The following CRACD variants were observed in gnomAD, a reference collection of about 807,000 sequenced individuals.
CRACD encodes capping protein-inhibiting regulator of actin dynamics.
A neutral mutation model predicts 106.8 loss-of-function variants in CRACD; 56 were observed. The ratio of observed to expected loss-of-function variants is 0.52; its 90% confidence interval spans 0.42 to 0.66. CRACD has a LOEUF of 0.66. Ranked by LOEUF, CRACD falls within the 30% of genes least tolerant of loss-of-function variation. The probability of loss-of-function intolerance (pLI) is 0.00; values close to 1 mark genes in which losing one functional copy is unlikely to be tolerated. For synonymous variants in CRACD, 754 were observed against 670.8 expected (o/e 1.12, Z -1.92); for missense variants, 1,730 against 1,623.2 (o/e 1.07, Z -1.13).
intron 5 of CRACD, chr4:56,309,185 G>T: frequency 2.8e-6 from 1 of 355,432 alleles, no homozygotes; most frequent in Non-Finnish European, 5.5e-6. Flanking sequence ...GCAAGGGGAG[G>T]GTAGAGAGAG....
At chr4:56,311,039 A>G in intron 6 of CRACD, 1 of 284,874 alleles carries the variant, frequency 3.5e-6, no homozygotes, top group East Asian at 7.7e-5. Flanking sequence ...CTGTTAATTG[A>G]TTGAAAAAGG....
rs374085564 is a variant in CRACD at position 56,221,281 on chromosome 4, G to A, written c.-189+41851G>A. Among the ~76,000 whole-genome samples the A allele has an allele frequency of 1.4e-4, 22 of 152,248 alleles. No homozygotes were observed. In the South Asian group the frequency reaches 2.7e-3, roughly 19 times the overall value. ...TTTGGAAGCTATTGAAATACTTCAC[G>A]GAAGAAAAGCCACAACAGTATGTTT... On this transcript the variant is annotated intron_variant, in intron 2 of 10. Coordinates refer to ENST00000682029, the MANE Select transcript of CRACD (RefSeq NM_001393381.1).
At chr4:56,186,169 G>C (rs925454533) in intron 2 of CRACD, among the ~76,000 whole-genome samples, 50 of 152,204 alleles carry the variant, frequency 3.3e-4, no homozygotes, top group African/African-American at 1.2e-3. Flanking sequence ...ATGAGGTTCT[G>C]AGGGAAGCAA....
chr4:56,080,412 T>A (rs954482442), intron 1 of CRACD, among the ~76,000 whole-genome samples: 9 of 152,200 alleles, frequency 5.9e-5, no homozygotes, highest in Non-Finnish European at 1.2e-4. Context: ...CACAATCAGA[T>A]ATTAAATTGC....
At chr4:56,307,488 T>C (rs1744807473) in intron 4 of CRACD, 47 bp from the exon 5 acceptor site, 13 of 1,600,844 alleles carry the variant, frequency 8.1e-6, no homozygotes, top group African/African-American at 1.3e-5. Flanking sequence ...GTGGTGGTTG[T>C]GAACTGCTTC....
intron 3 of CRACD, among the ~76,000 whole-genome samples, chr4:56,281,466 G>A (rs1025654601): frequency 6.6e-6 from 1 of 152,116 alleles, no homozygotes; most frequent in African/African-American, 2.4e-5. Flanking sequence ...CAGCAGAACA[G>A]GAGCTAGGGA....
chr4:56,282,177 GGA>G (rs1743076011), intron 3 of CRACD, among the ~76,000 whole-genome samples: 1 of 152,116 alleles, frequency 6.6e-6, no homozygotes, highest in Non-Finnish European at 1.5e-5. Flanking sequence ...CTGTTGTCAT[GGA>G]AACAAGCTGA....
At chr4:56,173,085 A>G (rs1736441690) in intron 1 of CRACD, among the ~76,000 whole-genome samples, 1 of 152,232 alleles carries the variant, frequency 6.6e-6, no homozygotes, top group Non-Finnish European at 1.5e-5. Flanking sequence ...TGTTAGACTG[A>G]AAATTTGAAA....
intron 2 of CRACD, among the ~76,000 whole-genome samples, chr4:56,215,017 A>C (rs1010504812): frequency 2.0e-5 from 3 of 150,934 alleles, no homozygotes; most frequent in African/African-American, 7.3e-5. Context: ...AAAAACAAAC[A>C]AACAAAAAAA....
chr4:56,088,981 TC>T (rs1456702649), intron 1 of CRACD, among the ~76,000 whole-genome samples: 17 of 152,244 alleles, frequency 1.1e-4, no homozygotes, highest in African/African-American at 4.1e-4. Context: ...TGCCTTGGCC[TC>T]CCAAAGTGCT....
intron 1 of CRACD, among the ~76,000 whole-genome samples, chr4:56,157,155 A>C (rs548636184): frequency 1.4e-4 from 22 of 152,324 alleles, no homozygotes; most frequent in African/African-American, 5.1e-4. Context: ...TGCAGTAAAA[A>C]TTTATGGAGA....
At chr4:56,104,049 T>C (rs1003681022) in intron 1 of CRACD, among the ~76,000 whole-genome samples, 2 of 152,202 alleles carry the variant, frequency 1.3e-5, no homozygotes, top group African/African-American at 4.8e-5. Context: ...GCTGAGATTA[T>C]AGGCTTGAGC....
At chr4:56,266,525 C>T (rs1742030190) in intron 2 of CRACD, among the ~76,000 whole-genome samples, 1 of 152,224 alleles carries the variant, frequency 6.6e-6, no homozygotes, top group Non-Finnish European at 1.5e-5. Flanking sequence ...TTAAATAGTA[C>T]AGTGTTGGAG....
At chr4:56,121,634 ACT>A (rs1214058324) in intron 1 of CRACD, among the ~76,000 whole-genome samples, 4 of 150,460 alleles carry the variant, frequency 2.7e-5, no homozygotes, top group African/African-American at 9.8e-5. Context: ...ACAGAGCAAG[ACT>A]CTGTCTTGAA....
chr4:56,278,830 T>G lies in CRACD; in HGVS notation c.-17+6338T>G, dbSNP rs542223864. Among the ~76,000 whole-genome samples the G allele has an allele frequency of 8.6e-4, 131 of 152,222 alleles. 1 individual carries two copies. Among genetic ancestry groups the G allele is most frequent in the Non-Finnish European group, 1.7e-3 (117 of 68,016 alleles). Reference sequence around the variant, plus strand: ...AAATTTTTTTTTATTGGGCAAAGGATTCTAATAGACATCGCTCCACAAAAG... The same window carrying G: ...AAATTTTTTTTTATTGGGCAAAGGAGTCTAATAGACATCGCTCCACAAAAG... On this transcript the variant is annotated intron_variant, in intron 3 of 10. Transcript: ENST00000682029.
rs1174258198 is a variant in CRACD at position 56,183,287 on chromosome 4, A to AAATAAAATAAAATAAATAAAATAAAAT, written c.-189+3859_-189+3860insTAAAATAAAATAAATAAAATAAAATAA. On this transcript the variant is annotated intron_variant, in intron 2 of 10. Transcript: ENST00000682029. ...AAATAAAATAAAATAAAATAAAATA[A>AAATAAAATAAAATAAATAAAATAAAAT]AAAGAATTAGGGGATTTTGAAAGCC... Among the ~76,000 whole-genome samples, 16 of 148,024 alleles carry AAATAAAATAAAATAAATAAAATAAAAT rather than the reference A, an allele frequency of 1.1e-4. 1 individual carries two copies. The highest frequency in any genetic ancestry group is 4.1e-4 in the African/African-American group (16 of 38,700).
At chr4:56,234,272 T>C (rs1739825653) in intron 2 of CRACD, among the ~76,000 whole-genome samples, 1 of 152,160 alleles carries the variant, frequency 6.6e-6, no homozygotes, top group Non-Finnish European at 1.5e-5. Context: ...CAATAGCCCC[T>C]GGCAATCACT....
intron 2 of CRACD, among the ~76,000 whole-genome samples, chr4:56,187,287 C>G (rs962908234): frequency 1.3e-5 from 2 of 152,064 alleles, no homozygotes; most frequent in African/African-American, 4.8e-5. Flanking sequence ...ACAACTGCCA[C>G]AGGGAGCCTG....
In CRACD at chr4:56,310,795, C is replaced by CG. The variant is rs1416557327; in HGVS notation, c.354+61_354+62insG. On this transcript the variant is annotated intron_variant, in intron 6 of 10. Coordinates refer to ENST00000682029, the MANE Select transcript of CRACD (RefSeq NM_001393381.1). ...CCTTACTTAACTTTCATCTTCCCCC[C>CG]CCCTTTTTTTTTTTTGCGACCTGCT... 93 of 966,608 alleles carry CG rather than the reference C, an allele frequency of 9.6e-5. No homozygotes were observed. The Admixed American group carries it at 1.1e-3, about 12-fold the overall frequency. The allele number at this position is 966,608 out of a possible 1,614,324, so 59.9% of individuals were successfully genotyped here.
Sources: gnomAD v4.1 joint callset for allele counts (sites outside exome capture counted in the v4.1 genomes callset) on GRCh38, gnomAD v4.1.1 for gene constraint, MANE v1.5 for transcripts, NCBI Gene and HGNC (gene_info 2026-07-23, HGNC 2026-07-21) for gene names.